The following NAV2 variants were observed in gnomAD, a reference collection of about 807,000 sequenced individuals.
NAV2 encodes neuron navigator 2, also known as helicase, APC down-regulated 1.
In NAV2, 54 loss-of-function variants were observed where a neutral mutation model predicts 223.2. The ratio of observed to expected loss-of-function variants is 0.24; its 90% CI spans 0.19 to 0.30. The LOEUF (loss-of-function observed/expected upper bound fraction) is 0.30, where lower values mean the gene tolerates loss of function less well. Ranked by LOEUF, NAV2 falls within the 10% of genes least tolerant of loss-of-function variation. NAV2 has a pLI of 1.00. For synonymous variants in NAV2, 1,279 were observed against 1,239.3 expected, an observed-to-expected ratio of 1.03 and a Z score of -0.67; for missense variants, 2,806 against 3,147.5, an observed-to-expected ratio of 0.89 and a Z score of 2.60.
At chr11:19,924,602 CTG>C (rs1395404072) in intron 6 of NAV2, among the ~76,000 whole-genome samples, 1 of 152,198 alleles carries the variant, frequency 6.6e-6, no homozygotes, top group African/African-American at 2.4e-5. Context: ...TTTGATCAAA[CTG>C]TCACAAGATA....
chr11:20,086,837 G>C (rs191736082), intron 26 of NAV2, among the ~76,000 whole-genome samples: 32 of 152,112 alleles, frequency 2.1e-4, no homozygotes, highest in Admixed American at 5.2e-4. Context: ...AGACACAGAG[G>C]GGGGCAGAGT....
intron 5 of NAV2, among the ~76,000 whole-genome samples, chr11:19,889,446 T>C (rs1238724387): frequency 6.6e-6 from 1 of 152,194 alleles, no homozygotes; most frequent in African/African-American, 2.4e-5. Flanking sequence ...TTCAGGGAGC[T>C]GTCCTGACTA....
chr11:19,597,118 T>A (rs1227129784), intron 1 of NAV2, among the ~76,000 whole-genome samples: 2 of 152,216 alleles, frequency 1.3e-5, no homozygotes, highest in East Asian at 3.8e-4. Flanking sequence ...TGAGTTTCCA[T>A]AGGTGACTTT....
chr11:20,115,460 G>A (rs756551711), intron 37 of NAV2, among the ~76,000 whole-genome samples: 11 of 151,786 alleles, frequency 7.2e-5, no homozygotes, highest in Admixed American at 2.6e-4. Flanking sequence ...GTGAAACACC[G>A]TCTCTACTAA....
chr11:19,925,845 A>G (rs953532262), intron 6 of NAV2, among the ~76,000 whole-genome samples: 24 of 151,918 alleles, frequency 1.6e-4, no homozygotes, highest in African/African-American at 5.8e-4. Context: ...TCTTTCCCCT[A>G]TTGAATAGTT....
chr11:19,484,260 G>A (rs931021356), intron 1 of NAV2, among the ~76,000 whole-genome samples: 5 of 152,128 alleles, frequency 3.3e-5, no homozygotes, highest in African/African-American at 1.2e-4. Flanking sequence ...TGAGAGGTTG[G>A]AAGGTACTTT....
chr11:19,622,219 G>T (rs2047020347), intron 1 of NAV2, among the ~76,000 whole-genome samples: 2 of 152,308 alleles, frequency 1.3e-5, no homozygotes, highest in South Asian at 4.1e-4. Flanking sequence ...GTGCTGAGAA[G>T]AATGTATATT....
At chr11:19,783,412 C>T (rs959492962) in intron 1 of NAV2, among the ~76,000 whole-genome samples, 6 of 152,136 alleles carry the variant, frequency 3.9e-5, no homozygotes, top group African/African-American at 7.2e-5. Context: ...TCCAATTTCA[C>T]GCTTCTTCCA....
At chr11:19,800,485 A>G (rs2058182147) in intron 1 of NAV2, among the ~76,000 whole-genome samples, 1 of 152,082 alleles carries the variant, frequency 6.6e-6, no homozygotes, top group Non-Finnish European at 1.5e-5. Flanking sequence ...TCTTCTTCCC[A>G]TTTCTAAGTA....
chr11:20,048,653 C>T, intron 14 of NAV2, 75 bp from the exon 15 acceptor site: 2 of 1,271,382 alleles, frequency 1.6e-6, no homozygotes, highest in Non-Finnish European at 2.3e-6. Context: ...AACTCCTCTG[C>T]CCTACCCTTC....
chr11:19,841,084 G>C (rs1418971943), intron 2 of NAV2, among the ~76,000 whole-genome samples: 4 of 152,128 alleles, frequency 2.6e-5, no homozygotes, highest in Non-Finnish European at 5.9e-5. Context: ...GCCTATCCTA[G>C]TGTTCTTATA....
At chr11:19,446,219 G>A (rs1045492130) in intron 1 of NAV2, among the ~76,000 whole-genome samples, 1 of 152,214 alleles carries the variant, frequency 6.6e-6, no homozygotes, top group African/African-American at 2.4e-5. Context: ...AAGTAGCCTC[G>A]TTTGAAGCAC....
intron 1 of NAV2, among the ~76,000 whole-genome samples, chr11:19,531,067 T>G (rs1034778807): frequency 1.3e-5 from 2 of 152,212 alleles, no homozygotes; most frequent in African/African-American, 4.8e-5. Context: ...CAACAAAGAT[T>G]ACTACTATTT....
chr11:19,628,087 C>T (rs2047223520), intron 1 of NAV2, among the ~76,000 whole-genome samples: 1 of 152,162 alleles, frequency 6.6e-6, no homozygotes, highest in Non-Finnish European at 1.5e-5. Flanking sequence ...GGAGAATCTC[C>T]TGTTGCTGAC....
At chr11:20,023,634 G>A (rs887468014) in intron 11 of NAV2, among the ~76,000 whole-genome samples, 9 of 151,990 alleles carry the variant, frequency 5.9e-5, no homozygotes, top group South Asian at 4.2e-4. Context: ...CTTGCAGTTG[G>A]AGGTTTTGTT....
intron 1 of NAV2, among the ~76,000 whole-genome samples, chr11:19,753,170 G>A (rs562570396): frequency 7.2e-5 from 11 of 152,206 alleles, no homozygotes; most frequent in Middle Eastern, 3.4e-3. Context: ...CCCAGTCTAC[G>A]GTATTCTGTT....
chr11:19,552,998 C>T (rs11025181), intron 1 of NAV2, among the ~76,000 whole-genome samples: 53,164 of 151,900 alleles, frequency 0.35, 11,042 homozygotes, highest in African/African-American at 0.58. Context: ...TCTGCAATTG[C>T]GGAGTGAAAA....
At chr11:19,654,497 C>T (rs2048060798) in intron 1 of NAV2, among the ~76,000 whole-genome samples, 1 of 152,142 alleles carries the variant, frequency 6.6e-6, no homozygotes, top group Non-Finnish European at 1.5e-5. Context: ...AACTATACTA[C>T]AAGGCTACAG....
chr11:19,447,902 C>T (rs572902806), intron 1 of NAV2, among the ~76,000 whole-genome samples: 2 of 152,260 alleles, frequency 1.3e-5, no homozygotes, highest in African/African-American at 4.8e-5. Context: ...TCCATGCTCA[C>T]CCCCAGCTCC....
Sources: allele counts gnomAD v4.1 joint callset (sites outside exome capture counted in the v4.1 genomes callset), GRCh38; gene constraint gnomAD v4.1.1; transcripts MANE v1.5; gene names NCBI Gene and HGNC (gene_info 2026-07-23, HGNC 2026-07-21).